Variants in RAPGEF6 observed in about 807,000 individuals in gnomAD.
RAPGEF6 encodes PDZ domain containing guanine nucleotide exchange factor (GEF) 2.
In RAPGEF6, 56 loss-of-function variants were observed where a neutral mutation model predicts 171.4. The ratio of observed to expected loss-of-function variants is 0.33; its 90% CI spans 0.26 to 0.41. RAPGEF6 has a LOEUF of 0.41. Ranked by LOEUF, RAPGEF6 falls within the 10% of genes least tolerant of loss-of-function variation. The probability of loss-of-function intolerance (pLI) is 1.00; values close to 1 mark genes in which losing one functional copy is unlikely to be tolerated. For synonymous variants in RAPGEF6, 692 were observed against 650.1 expected (o/e 1.06, Z -0.98); for missense variants, 1,674 against 1,921.4 (o/e 0.87, Z 2.41).
intron 16 of RAPGEF6, among the ~76,000 whole-genome samples, chr5:131,477,274 T>C (rs1006688275): frequency 6.6e-6 from 1 of 152,206 alleles, no homozygotes; most frequent in East Asian, 1.9e-4. Context: ...ATAAACTATT[T>C]TTTCTGTATT....
At position 131,426,617 on chromosome 5, in the gene RAPGEF6, C is replaced by A. The variant is rs1206381395; in HGVS notation, c.*649G>T. 1 of 152,448 alleles carries A rather than the reference C, an allele frequency of 6.6e-6. No homozygotes were observed. The highest frequency in any genetic ancestry group is 1.5e-5 in the Non-Finnish European group (1 of 68,114). The allele number at this position is 152,448 out of a possible 1,614,324, so 9.4% of individuals were successfully genotyped here. A position where few individuals can be genotyped will look rare whatever the true frequency, so the allele number is the denominator to read the frequency against. ...GACCAGCAGGTTCCTAACACCTCAACTGCAAAGGGCTTCCTATTTCTCTCA... is the reference window on the plus strand; with the variant it reads ...GACCAGCAGGTTCCTAACACCTCAAATGCAAAGGGCTTCCTATTTCTCTCA... On this transcript the variant is annotated 3_prime_UTR_variant, in exon 28 of 28. Transcript: ENST00000509018.
chr5:131,628,783 T>C (rs558131390), intron 1 of RAPGEF6, among the ~76,000 whole-genome samples: 50 of 152,310 alleles, frequency 3.3e-4, no homozygotes, highest in African/African-American at 1.2e-3. Context: ...TTAAGAATTA[T>C]GTTAAATCTA....
intron 4 of RAPGEF6, among the ~76,000 whole-genome samples, chr5:131,562,446 C>A (rs969615434): frequency 6.6e-6 from 1 of 152,050 alleles, no homozygotes; most frequent in Non-Finnish European, 1.5e-5. Context: ...TTATTATAAT[C>A]TTTTGGGAGC....
intron 19 of RAPGEF6, among the ~76,000 whole-genome samples, chr5:131,457,752 A>G (rs1292992880): frequency 1.3e-5 from 2 of 152,184 alleles, no homozygotes; most frequent in East Asian, 1.9e-4. Context: ...GGATTTTGCT[A>G]TCTGTGAGGA....
At chr5:131,444,236 A>T (rs1481141780) in intron 22 of RAPGEF6, among the ~76,000 whole-genome samples, 1 of 152,238 alleles carries the variant, frequency 6.6e-6, no homozygotes, top group Non-Finnish European at 1.5e-5. Context: ...AGAATGTCTT[A>T]GAAAGTTCAA....
intron 5 of RAPGEF6, among the ~76,000 whole-genome samples, chr5:131,558,995 A>C (rs1181069870): frequency 1.3e-5 from 2 of 151,944 alleles, no homozygotes; most frequent in Non-Finnish European, 2.9e-5. Flanking sequence ...ATCCTTACTG[A>C]CTCATGGTGG....
At position 131,446,601 on chromosome 5, in the gene RAPGEF6, T is replaced by C. The variant is rs766050209; in HGVS notation, c.3303A>G (p.Leu1101=). 1.7e-5 allele frequency: 28 copies of C among 1,614,110 alleles called. No individual in the cohort carries two copies. The African/African-American group carries it at 3.5e-4, about 20-fold the overall frequency. Residue 1101 remains leucine, a synonymous_variant, in exon 22 of 28, where the codon CTA becomes CTG. Transcript: ENST00000509018. ...RRSSLLNAKK[L]YEDAQMARKV... is the part of the protein sequence containing the mutation. Reference sequence around the variant, plus strand: ...TCCTTGCCATTTGGGCATCCTCATATAGCTTCTTGGCATTAAGCAGAGAGC... The same window carrying C: ...TCCTTGCCATTTGGGCATCCTCATACAGCTTCTTGGCATTAAGCAGAGAGC...
At chr5:131,526,040 C>T (rs927871908) in intron 6 of RAPGEF6, among the ~76,000 whole-genome samples, 4 of 152,202 alleles carry the variant, frequency 2.6e-5, no homozygotes, top group African/African-American at 9.6e-5. Context: ...CCAGGTCTGA[C>T]TCTAGCATTT....
At chr5:131,583,006 AGAGAT>A (rs1304027949) in intron 4 of RAPGEF6, among the ~76,000 whole-genome samples, 1 of 152,260 alleles carries the variant, frequency 6.6e-6, no homozygotes, top group African/African-American at 2.4e-5. Flanking sequence ...TATTATGCAG[AGAGAT>A]GAAAGTATAT....
At chr5:131,492,145 T>A (rs1173871945) in intron 14 of RAPGEF6, among the ~76,000 whole-genome samples, 1 of 152,222 alleles carries the variant, frequency 6.6e-6, no homozygotes. Context: ...CATATGAACA[T>A]AATTTAATGA....
intron 5 of RAPGEF6, among the ~76,000 whole-genome samples, chr5:131,558,983 A>G (rs1761420923): frequency 6.6e-6 from 1 of 152,178 alleles, no homozygotes. Flanking sequence ...CAAATCCTCA[A>G]TATCCTTACT....
chr5:131,623,425 G>A (rs1273871329), intron 1 of RAPGEF6, among the ~76,000 whole-genome samples: 1 of 148,786 alleles, frequency 6.7e-6, no homozygotes, highest in African/African-American at 2.5e-5. Context: ...TTAAATATTA[G>A]ACCAGTAGAA....
intron 15 of RAPGEF6, among the ~76,000 whole-genome samples, chr5:131,484,934 T>A (rs1461430304): frequency 6.6e-6 from 1 of 152,118 alleles, no homozygotes; most frequent in East Asian, 1.9e-4. Flanking sequence ...AAAAATGGGA[T>A]TTTTGGGTTT....
At chr5:131,589,835 C>T (rs1151482) in intron 4 of RAPGEF6, among the ~76,000 whole-genome samples, 2 of 152,244 alleles carry the variant, frequency 1.3e-5, no homozygotes, top group African/African-American at 4.8e-5. Context: ...CTAAGTGCCA[C>T]TCCTGGTCAG....
chr5:131,626,185 G>A (rs1765919406), intron 1 of RAPGEF6, among the ~76,000 whole-genome samples: 1 of 152,054 alleles, frequency 6.6e-6, no homozygotes, highest in South Asian at 2.1e-4. Flanking sequence ...ATTAGCCCCA[G>A]TGTTCTGCAA....
chr5:131,444,797 C>T (rs1449539402), intron 22 of RAPGEF6, among the ~76,000 whole-genome samples: 6 of 152,080 alleles, frequency 3.9e-5, no homozygotes, highest in East Asian at 1.9e-4. Context: ...ATTAAGTCTA[C>T]ATCAAATTAC....
At chr5:131,556,238 G>C (rs1035504666) in intron 5 of RAPGEF6, among the ~76,000 whole-genome samples, 1 of 152,164 alleles carries the variant, frequency 6.6e-6, no homozygotes, top group Admixed American at 6.5e-5. Flanking sequence ...TCAGGAGTTT[G>C]AGGCTAGCCT....
intron 4 of RAPGEF6, among the ~76,000 whole-genome samples, chr5:131,591,814 A>T (rs950200675): frequency 6.6e-6 from 1 of 152,216 alleles, no homozygotes; most frequent in Non-Finnish European, 1.5e-5. Context: ...ACAGCAATGA[A>T]TCAAAAACCA....
chr5:131,451,961 G>A (rs1471111769), intron 21 of RAPGEF6, among the ~76,000 whole-genome samples: 5 of 152,084 alleles, frequency 3.3e-5, no homozygotes, highest in South Asian at 2.1e-4. Context: ...GGCCAGGCGC[G>A]GTGGCTCACG....
Sources: allele counts gnomAD v4.1 joint callset (sites outside exome capture counted in the v4.1 genomes callset), GRCh38; gene constraint gnomAD v4.1.1; transcripts MANE v1.5; gene names NCBI Gene and HGNC (gene_info 2026-07-23, HGNC 2026-07-21).